The following SPAG16 variants were observed in gnomAD, a reference collection of about 807,000 sequenced individuals.
The protein encoded by SPAG16 is sperm-associated antigen 16 protein.
In SPAG16, 86 loss-of-function variants were observed where a neutral mutation model predicts 80.4. That is an observed-to-expected ratio of 1.07 (90% confidence interval 0.90 to 1.28). The LOEUF (loss-of-function observed/expected upper bound fraction) is 1.28. Ranked by LOEUF, SPAG16 falls within the 50% of genes most tolerant of loss-of-function variation. SPAG16 has a pLI of 0.00. For synonymous variants in SPAG16, 294 were observed against 265.9 expected (o/e 1.11, Z -1.03); for missense variants, 870 against 765.3 (o/e 1.14, Z -1.61).
chr2:213,642,820 CAAAAAAAAAAAAAAAAA>C (rs766759239), intron 10 of SPAG16, among the ~76,000 whole-genome samples: 1 of 1,138 alleles, frequency 8.8e-4, no homozygotes, highest in Non-Finnish European at 1.3e-3. Context: ...GACTCTGTCT[CAAAAAAAAAAAAAAAAA>C]AAAAAAAAAA....
chr2:214,132,253 T>C (rs535412982), intron 14 of SPAG16, among the ~76,000 whole-genome samples: 1 of 152,344 alleles, frequency 6.6e-6, no homozygotes, highest in Non-Finnish European at 1.5e-5. Context: ...TTACTAAGTA[T>C]ATAATATAAA....
chr2:213,860,436 TTTATAG>T (rs1559529312), intron 10 of SPAG16, among the ~76,000 whole-genome samples: 7 of 136,902 alleles, frequency 5.1e-5, no homozygotes, highest in Non-Finnish European at 1.1e-4. Context: ...TATCTATATA[TTTATAG>T]ATATATGTAT....
In SPAG16 at chr2:213,917,819, G is replaced by C. The variant is rs1454690298; in HGVS notation, c.1215-12141G>C. ...GGAACTTTGAATATTTTGTAGAGTA[G>C]GGATGGTGAAGAAGGCATACTTGAC... On this transcript the variant is annotated intron_variant, in intron 11 of 15. Coordinates refer to ENST00000331683, the MANE Select transcript of SPAG16 (RefSeq NM_024532.5). Among the ~76,000 whole-genome samples the C allele has an allele frequency of 2.0e-5, 3 of 152,086 alleles. No homozygotes were observed. In the East Asian group the frequency reaches 5.8e-4, roughly 29 times the overall value.
At chr2:213,863,639 CT>C (rs2075571881) in intron 11 of SPAG16, among the ~76,000 whole-genome samples, 1 of 151,882 alleles carries the variant, frequency 6.6e-6, no homozygotes, top group Admixed American at 6.6e-5. Context: ...CCTTGCCACC[CT>C]CTCACCTCTT....
chr2:213,542,362 T>C (rs1385809794), intron 10 of SPAG16, among the ~76,000 whole-genome samples: 1 of 152,182 alleles, frequency 6.6e-6, no homozygotes, highest in Non-Finnish European at 1.5e-5. Context: ...GAAAGCATTA[T>C]CTTCACATTA....
At chr2:213,572,654 G>A (rs1011311738) in intron 10 of SPAG16, among the ~76,000 whole-genome samples, 11 of 151,954 alleles carry the variant, frequency 7.2e-5, no homozygotes, top group African/African-American at 2.7e-4. Context: ...TGTCAGACAG[G>A]GACACTTAAG....
At chr2:214,020,903 G>A (rs1168723775) in intron 13 of SPAG16, among the ~76,000 whole-genome samples, 1 of 152,122 alleles carries the variant, frequency 6.6e-6, no homozygotes, top group East Asian at 1.9e-4. Flanking sequence ...TGTAGATTTG[G>A]TAGAGGAAAC....
chr2:213,799,379 C>T (rs2071240986), intron 10 of SPAG16, among the ~76,000 whole-genome samples: 2 of 151,892 alleles, frequency 1.3e-5, no homozygotes, highest in South Asian at 4.1e-4. Context: ...CTGTTCATTG[C>T]TAATGTATAA....
At chr2:213,949,169 G>GTTTTTTTTTGTTTTTTTTTTTTTTTTTT (rs2079599871) in intron 12 of SPAG16, among the ~76,000 whole-genome samples, 1 of 56,724 alleles carries the variant, frequency 1.8e-5, no homozygotes, top group African/African-American at 5.2e-5. Context: ...AATTACAACA[G>GTTTTTTTTTGTTTTTTTTTTTTTTTTTT]TTTTTTTTTT....
At chr2:214,220,472 T>A (rs1029404715) in intron 15 of SPAG16, among the ~76,000 whole-genome samples, 20 of 152,276 alleles carry the variant, frequency 1.3e-4, no homozygotes, top group Non-Finnish European at 1.5e-5. Flanking sequence ...CAGTAAGATT[T>A]GTTAGGTAAC....
intron 15 of SPAG16, among the ~76,000 whole-genome samples, chr2:214,195,538 G>A (rs934847548): frequency 2.0e-5 from 3 of 151,944 alleles, no homozygotes; most frequent in Admixed American, 2.0e-4. Flanking sequence ...TGATATATTA[G>A]AACAAACTTT....
chr2:214,387,612 C>G (rs1315923109), intron 15 of SPAG16, among the ~76,000 whole-genome samples: 3 of 152,064 alleles, frequency 2.0e-5, no homozygotes, highest in African/African-American at 7.2e-5. Context: ...AAAGACACAC[C>G]AGAGACTGGG....
At chr2:213,368,897 C>T (rs2066476473) in intron 8 of SPAG16, among the ~76,000 whole-genome samples, 1 of 152,112 alleles carries the variant, frequency 6.6e-6, no homozygotes, top group Non-Finnish European at 1.5e-5. Flanking sequence ...CAAACCACTG[C>T]TCAATGAAGT....
At chr2:214,385,148 A>G (rs1304971054) in intron 15 of SPAG16, among the ~76,000 whole-genome samples, 3 of 152,264 alleles carry the variant, frequency 2.0e-5, no homozygotes, top group African/African-American at 7.2e-5. Flanking sequence ...CATAGCTAGT[A>G]GTTCAGTACA....
intron 13 of SPAG16, among the ~76,000 whole-genome samples, chr2:214,064,101 A>C (rs1341053905): frequency 6.6e-6 from 1 of 152,174 alleles, no homozygotes; most frequent in Non-Finnish European, 1.5e-5. Context: ...ATATTGAATA[A>C]TTGTGGAAAC....
chr2:213,956,724 T>A (rs1304913676), intron 12 of SPAG16, among the ~76,000 whole-genome samples: 1 of 152,132 alleles, frequency 6.6e-6, no homozygotes, highest in Non-Finnish European at 1.5e-5. Flanking sequence ...TTGCTGGGAT[T>A]ACAGGTGTGA....
At chr2:214,177,971 G>GTGTGTATATA (rs1397087073) in intron 15 of SPAG16, among the ~76,000 whole-genome samples, 22 of 59,348 alleles carry the variant, frequency 3.7e-4, no homozygotes, top group African/African-American at 1.4e-3. Context: ...CAAAGTGTAT[G>GTGTGTATATA]TATATATATA....
intron 15 of SPAG16, among the ~76,000 whole-genome samples, chr2:214,368,797 C>T (rs894082919): frequency 6.6e-6 from 1 of 152,078 alleles, no homozygotes; most frequent in African/African-American, 2.4e-5. Flanking sequence ...ATAATCACAC[C>T]ATGGACCTTT....
At chr2:213,792,636 T>G (rs1256056056) in intron 10 of SPAG16, among the ~76,000 whole-genome samples, 1 of 134,658 alleles carries the variant, frequency 7.4e-6, no homozygotes, top group Non-Finnish European at 1.5e-5. Context: ...CAGGCTGGAG[T>G]GCAGTGGCTT....
Sources: allele counts gnomAD v4.1 joint callset (sites outside exome capture counted in the v4.1 genomes callset), GRCh38; gene constraint gnomAD v4.1.1; transcripts MANE v1.5; gene names NCBI Gene and HGNC (gene_info 2026-07-23, HGNC 2026-07-21).